MSRA: variants seen among roughly 807,000 people sequenced by gnomAD.
MSRA encodes the protein methionine sulfoxide reductase A.
In MSRA, 54 loss-of-function variants were observed where a neutral mutation model predicts 31.3. The observed-to-expected ratio is 1.73, with a 90% CI of 1.39 to 2.17. The LOEUF is 2.17. MSRA is among the 30% of genes most tolerant of loss of function. MSRA has a pLI of 0.00. For missense variants in MSRA, 507 were observed against 300.9 expected (o/e 1.69, Z -5.07); for synonymous variants, 169 against 116.5 (o/e 1.45, Z -2.90).
At chr8:10,377,229 G>A (rs774061480) in intron 5 of MSRA, among the ~76,000 whole-genome samples, 5 of 152,260 alleles carry the variant, frequency 3.3e-5, no homozygotes, top group African/African-American at 4.8e-5. Context: ...GTTCACCTGC[G>A]TGGCTTAACG....
intron 5 of MSRA, among the ~76,000 whole-genome samples, chr8:10,423,245 G>A (rs1808921902): frequency 6.6e-6 from 1 of 152,124 alleles, no homozygotes; most frequent in South Asian, 2.1e-4. Context: ...GCTCCTGAGG[G>A]CCAATGAGAG....
chr8:10,355,682 G>C (rs554361901), intron 5 of MSRA, among the ~76,000 whole-genome samples: 1 of 152,176 alleles, frequency 6.6e-6, no homozygotes, highest in African/African-American at 2.4e-5. Context: ...TGGCTGCTGG[G>C]ATCCTAGTAG....
intron 3 of MSRA, among the ~76,000 whole-genome samples, chr8:10,257,724 C>T (rs1798257434): frequency 6.6e-6 from 1 of 152,194 alleles, no homozygotes; most frequent in Non-Finnish European, 1.5e-5. Flanking sequence ...AGTTGTCTCT[C>T]CGTGTTTGGA....
At chr8:10,363,738 C>CCATACACACACACACACACACACA (rs1804991772) in intron 5 of MSRA, among the ~76,000 whole-genome samples, 1 of 103,288 alleles carries the variant, frequency 9.7e-6, no homozygotes, top group Non-Finnish European at 1.9e-5. Context: ...GATGCAGTCA[C>CCATACACACACACACACACACACA]CACACACACA....
intron 1 of MSRA, among the ~76,000 whole-genome samples, chr8:10,206,994 A>G (rs796366066): frequency 1.6e-4 from 25 of 152,330 alleles, no homozygotes; most frequent in African/African-American, 5.5e-4. Context: ...TCTGCCGATG[A>G]TGCAGTGTGA....
In MSRA at chr8:10,283,836, T is replaced by TATATATATAC. The variant is rs1261287031; in HGVS notation, c.332-17697_332-17696insTATATATACA. Among the ~76,000 whole-genome samples, 274 of 53,064 alleles carry TATATATATAC rather than the reference T, an allele frequency of 5.2e-3. 2 individuals are homozygous for TATATATATAC. The highest frequency in any genetic ancestry group is 0.014 in the Middle Eastern group (1 of 70). 34.8% of individuals were successfully genotyped at this position (53,064 alleles called of 152,430 possible). A position where few individuals can be genotyped will look rare whatever the true frequency, so the allele number is the denominator to read the frequency against. On this transcript the variant is annotated intron_variant, in intron 3 of 5. Transcript: ENST00000317173. ...ATATATATATATATATATATATATA[T>TATATATATAC]ACACACACACACACACACACACACA...
chr8:10,324,170 A>C (rs899235369), intron 5 of MSRA, among the ~76,000 whole-genome samples: 2 of 152,186 alleles, frequency 1.3e-5, no homozygotes, highest in African/African-American at 4.8e-5. Context: ...GCTGTTGAGC[A>C]CTTGAAATAG....
intron 2 of MSRA, among the ~76,000 whole-genome samples, chr8:10,220,613 G>A (rs571843102): frequency 6.6e-6 from 1 of 152,262 alleles, no homozygotes; most frequent in South Asian, 2.1e-4. Context: ...TTTATGTGAT[G>A]ACCCTTTTCC....
intron 5 of MSRA, among the ~76,000 whole-genome samples, chr8:10,370,419 T>G (rs901696996): frequency 2.0e-5 from 3 of 152,228 alleles, no homozygotes; most frequent in African/African-American, 7.2e-5. Context: ...AATAGCAAGT[T>G]AGGCAGAGAA....
Position 10,385,361 on chromosome 8 carries a change from G to A in MSRA, c.544-42787G>A, listed in dbSNP as rs76313734. Among the ~76,000 whole-genome samples the A allele has an allele frequency of 9.5e-3, 1,446 of 152,362 alleles. 23 individuals carry two copies. The highest frequency in any genetic ancestry group is 0.034 in the African/African-American group (1,394 of 41,578). ...ACGCAGGGACAAAGGTAGAAGCCTA[G>A]AAATTAGGGCCTGGTTGAGGAGAGA... On this transcript the variant is annotated intron_variant, in intron 5 of 5. Coordinates refer to ENST00000317173, the MANE Select transcript of MSRA (RefSeq NM_012331.5).
chr8:10,237,746 A>C (rs1363087324), intron 2 of MSRA, among the ~76,000 whole-genome samples: 3 of 152,156 alleles, frequency 2.0e-5, no homozygotes, highest in African/African-American at 7.2e-5. Context: ...CTTTCTCTCA[A>C]ACTCTGTGTC....
At chr8:10,076,018 G>A (rs844668) in intron 1 of MSRA, among the ~76,000 whole-genome samples, 48,210 of 152,120 alleles carry the variant, frequency 0.32, 9,824 homozygotes, top group African/African-American at 0.58. Flanking sequence ...CTAGTGAAGG[G>A]CATGTTGGCT....
intron 5 of MSRA, among the ~76,000 whole-genome samples, chr8:10,364,514 T>C (rs867752354): frequency 6.6e-6 from 1 of 152,180 alleles, no homozygotes; most frequent in African/African-American, 2.4e-5. Context: ...CTTCCAGCCA[T>C]GGTGAGAATT....
At chr8:10,206,578 A>G (rs1006557234) in intron 1 of MSRA, among the ~76,000 whole-genome samples, 3 of 152,190 alleles carry the variant, frequency 2.0e-5, no homozygotes, top group Non-Finnish European at 4.4e-5. Context: ...GCTTCTCAAA[A>G]TAGCACCTCC....
intron 1 of MSRA, among the ~76,000 whole-genome samples, chr8:10,068,081 G>T (rs1057392053): frequency 4.0e-5 from 6 of 151,820 alleles, no homozygotes; most frequent in African/African-American, 1.2e-4. Flanking sequence ...ATGGGGTTTC[G>T]CTGTGTTTGC....
intron 1 of MSRA, among the ~76,000 whole-genome samples, chr8:10,127,072 C>T (rs1434074872): frequency 1.3e-5 from 2 of 152,180 alleles, no homozygotes; most frequent in African/African-American, 2.4e-5. Context: ...AACATACTAC[C>T]AGACATTTCT....
chr8:10,343,850 CAAAG>C (rs1803597286), intron 5 of MSRA, among the ~76,000 whole-genome samples: 1 of 152,120 alleles, frequency 6.6e-6, no homozygotes, highest in African/African-American at 2.4e-5. Context: ...TCTACCCAAA[CAAAG>C]AAAATAATCA....
chr8:10,372,265 A>G (rs1210044878), intron 5 of MSRA, among the ~76,000 whole-genome samples: 1 of 152,210 alleles, frequency 6.6e-6, no homozygotes, highest in Non-Finnish European at 1.5e-5. Context: ...CCAATTGGGA[A>G]TTAAGAAATA....
At chr8:10,208,909 G>A (rs1419333562) in intron 2 of MSRA, among the ~76,000 whole-genome samples, 1 of 152,230 alleles carries the variant, frequency 6.6e-6, no homozygotes, top group African/African-American at 2.4e-5. Flanking sequence ...ATTAGCCTCA[G>A]AACAACCTGG....
Sources: allele counts gnomAD v4.1 joint callset (sites outside exome capture counted in the v4.1 genomes callset), GRCh38; gene constraint gnomAD v4.1.1; transcripts MANE v1.5; gene names NCBI Gene and HGNC (gene_info 2026-07-23, HGNC 2026-07-21).